The following FOCAD variants were observed in gnomAD, a reference collection of about 807,000 sequenced individuals.
The protein encoded by FOCAD is focadhesin.
FOCAD carries 198 observed loss-of-function variants against 225.6 expected under a neutral mutation model. The ratio of observed to expected loss-of-function variants is 0.88; its 90% CI spans 0.78 to 0.99. The LOEUF (loss-of-function observed/expected upper bound fraction) is 0.99. Ranked by LOEUF, FOCAD falls within the 50% of genes least tolerant of loss-of-function variation. The pLI, the probability that FOCAD is intolerant of heterozygous loss-of-function variation, is 0.00. For missense variants in FOCAD, 2,713 were observed against 2,123.6 expected, an observed-to-expected ratio of 1.28 and a Z score of -5.46; for synonymous variants, 897 against 755.0, an observed-to-expected ratio of 1.19 and a Z score of -3.08.
chr9:20,938,330 C>A (rs1317626806), intron 28 of FOCAD, among the ~76,000 whole-genome samples: 1 of 152,070 alleles, frequency 6.6e-6, no homozygotes, highest in African/African-American at 2.4e-5. Flanking sequence ...GGAACCAACC[C>A]AAATGTCCAA....
At chr9:20,826,299 G>C (rs1402450614) in intron 15 of FOCAD, among the ~76,000 whole-genome samples, 1 of 152,020 alleles carries the variant, frequency 6.6e-6, no homozygotes, top group Non-Finnish European at 1.5e-5. Context: ...AAGTTGGAAG[G>C]ACTTGACTTG....
At chr9:20,977,249 A>C (rs934210255) in intron 36 of FOCAD, among the ~76,000 whole-genome samples, 3 of 152,192 alleles carry the variant, frequency 2.0e-5, no homozygotes, top group Non-Finnish European at 4.4e-5. Flanking sequence ...TCACTTACAT[A>C]ATCCAGGATA....
At chr9:20,814,510 C>T (rs1426486262) in intron 11 of FOCAD, among the ~76,000 whole-genome samples, 1 of 151,936 alleles carries the variant, frequency 6.6e-6, no homozygotes, top group African/African-American at 2.4e-5. Flanking sequence ...TATGTGCCAC[C>T]AATGCCCAGC....
At chr9:20,850,745 G>C (rs1827564821) in intron 15 of FOCAD, among the ~76,000 whole-genome samples, 1 of 150,970 alleles carries the variant, frequency 6.6e-6, no homozygotes. Flanking sequence ...AGACACAACA[G>C]AGCATCTGGT....
intron 35 of FOCAD, among the ~76,000 whole-genome samples, chr9:20,964,214 A>C (rs1482254174): frequency 6.6e-6 from 1 of 151,988 alleles, no homozygotes; most frequent in African/African-American, 2.4e-5. Flanking sequence ...GAAAATACAA[A>C]AAATTAGCCA....
At chr9:20,656,771 A>G (rs1248216905), upstream of FOCAD, among the ~76,000 whole-genome samples, 4 of 152,160 alleles carry the variant, frequency 2.6e-5, no homozygotes. Flanking sequence ...CATTTAGTCC[A>G]TTTACATTTA....
intron 5 of FOCAD, among the ~76,000 whole-genome samples, chr9:20,741,113 G>A (rs898301025): frequency 3.3e-5 from 5 of 152,146 alleles, no homozygotes; most frequent in African/African-American, 9.7e-5. Context: ...CATAAAGAAG[G>A]GCATTGATTC....
At chr9:20,831,137 G>A (rs1825447012) in intron 15 of FOCAD, among the ~76,000 whole-genome samples, 1 of 151,978 alleles carries the variant, frequency 6.6e-6, no homozygotes, top group South Asian at 2.1e-4. Context: ...AGAGGTATTT[G>A]GGTTTGTGGT....
intron 35 of FOCAD, among the ~76,000 whole-genome samples, chr9:20,964,080 G>A (rs1001191135): frequency 2.0e-5 from 3 of 151,840 alleles, no homozygotes; most frequent in Non-Finnish European, 4.4e-5. Flanking sequence ...CAATAGCAGG[G>A]GTTGGCCAGA....
At chr9:20,931,871 C>G (rs1221745317) in intron 27 of FOCAD, among the ~76,000 whole-genome samples, 1 of 149,374 alleles carries the variant, frequency 6.7e-6, no homozygotes, top group Admixed American at 6.7e-5. Flanking sequence ...GCACTCCAGC[C>G]CAGCCTGGGT....
intron 15 of FOCAD, among the ~76,000 whole-genome samples, chr9:20,825,419 A>G (rs1248289694): frequency 6.6e-6 from 1 of 152,156 alleles, no homozygotes; most frequent in East Asian, 1.9e-4. Flanking sequence ...GAAGGAAAAC[A>G]TTCAGCATAG....
upstream of FOCAD, among the ~76,000 whole-genome samples, chr9:20,655,730 C>T (rs1352798630): frequency 6.6e-6 from 1 of 152,140 alleles, no homozygotes; most frequent in African/African-American, 2.4e-5. Flanking sequence ...AAAACCAGCT[C>T]CTGGAGTCAT....
intron 15 of FOCAD, among the ~76,000 whole-genome samples, chr9:20,830,094 G>A (rs1825335154): frequency 2.6e-5 from 4 of 152,016 alleles, no homozygotes; most frequent in Admixed American, 2.6e-4. Context: ...TTTTTATTAA[G>A]ATAAAATTCA....
chr9:20,925,865 C>G (rs1834888307), intron 25 of FOCAD, among the ~76,000 whole-genome samples: 3 of 152,180 alleles, frequency 2.0e-5, no homozygotes, highest in Non-Finnish European at 4.4e-5. Context: ...ACCAGAAATG[C>G]TAGAGATGTT....
intron 3 of FOCAD, among the ~76,000 whole-genome samples, chr9:20,720,041 A>G (rs1365115944): frequency 6.6e-6 from 1 of 152,124 alleles, no homozygotes; most frequent in Non-Finnish European, 1.5e-5. Flanking sequence ...CTGATATACT[A>G]TTAGTGTCTG....
At position 20,981,514 on chromosome 9, in the gene FOCAD, T is replaced by C; in HGVS notation, c.4466T>C (p.Leu1489Ser). 1 of 1,614,118 alleles carries C rather than the reference T, an allele frequency of 6.2e-7. No individual in the cohort carries two copies. Among genetic ancestry groups the C allele is most frequent in the Non-Finnish European group, 8.5e-7 (1 of 1,179,992 alleles). The change falls in exon 38 of 44, where the codon TTA becomes TCA. Residue 1489 changes from leucine (L) to serine (S), a missense_variant. Transcript: ENST00000338382. ...CAGATCCTGGGTTTTGTTGAAAATTTAATGGTGGCAGTTTTTAAAGCAGCT... is the reference window on the plus strand; with the variant it reads ...CAGATCCTGGGTTTTGTTGAAAATTCAATGGTGGCAGTTTTTAAAGCAGCT... ...DEQILGFVENLMVAVFKAASP... is the reference protein window; with the variant it reads ...DEQILGFVENSMVAVFKAASP...
rs1211294902 is a variant in FOCAD, at chr9:20,752,569, T to TTA, written c.393-5518_393-5517dup. Among the ~76,000 whole-genome samples, 9 of 152,274 alleles carry TTA rather than the reference T, an allele frequency of 5.9e-5. No homozygotes were observed. The South Asian group carries it at 1.9e-3, about 32-fold the overall frequency. ...CTGTTTTGGTTACTGTAGCCTTGTATTATAGTTTGAAGTCAGGTGGTGTGA... is the reference window on the plus strand; with the variant it reads ...CTGTTTTGGTTACTGTAGCCTTGTATTATATAGTTTGAAGTCAGGTGGTGTGA... On this transcript the variant is annotated intron_variant, in intron 5 of 43. Transcript: ENST00000338382.
chr9:20,704,845 A>G (rs1824251136), intron 1 of FOCAD, among the ~76,000 whole-genome samples: 1 of 152,168 alleles, frequency 6.6e-6, no homozygotes, highest in Non-Finnish European at 1.5e-5. Context: ...GTTAGTCAAG[A>G]TTTTCCTATT....
At chr9:20,688,439 G>A (rs1822790465) in intron 1 of FOCAD, among the ~76,000 whole-genome samples, 1 of 152,134 alleles carries the variant, frequency 6.6e-6, no homozygotes, top group African/African-American at 2.4e-5. Context: ...CAGATGTATG[G>A]GGAGAATAAG....
Sources: gnomAD v4.1 joint callset for allele counts (sites outside exome capture counted in the v4.1 genomes callset) on GRCh38, gnomAD v4.1.1 for gene constraint, MANE v1.5 for transcripts, NCBI Gene and HGNC (gene_info 2026-07-23, HGNC 2026-07-21) for gene names.